Variants in IQSEC1 observed in about 807,000 individuals in gnomAD.
The protein encoded by IQSEC1 is IQ motif and SEC7 domain-containing protein 1.
IQSEC1 carries 31 observed loss-of-function variants against 91.0 expected under a neutral mutation model. That is an observed-to-expected ratio of 0.34 (90% confidence interval 0.26 to 0.46). The LOEUF (loss-of-function observed/expected upper bound fraction) is 0.46. Among genes scored for constraint, IQSEC1 ranks in the 20% least tolerant of loss-of-function variants. The pLI is 1.00. For synonymous variants in IQSEC1, 699 were observed against 662.6 expected (o/e 1.05, Z -0.84); for missense variants, 1,388 against 1,575.6 (o/e 0.88, Z 2.02).
chr3:13,012,539 T>A (rs1358902044), intron 1 of IQSEC1, among the ~76,000 whole-genome samples: 1 of 152,180 alleles, frequency 6.6e-6, no homozygotes, highest in Non-Finnish European at 1.5e-5. Flanking sequence ...GATGTGTTGC[T>A]CACCACAGCC....
intron 1 of IQSEC1, among the ~76,000 whole-genome samples, chr3:13,051,562 C>T (rs902684113): frequency 6.6e-6 from 1 of 152,174 alleles, no homozygotes; most frequent in Non-Finnish European, 1.5e-5. Context: ...TTCTACAAGC[C>T]ATACGCTGAT....
rs1338214563 is a variant in IQSEC1, at chr3:13,211,652, C to T, written c.273-47519G>A. On this transcript the variant is annotated intron_variant, in intron 1 of 15. Transcript: ENST00000648114. The surrounding 1 kb of genome is among the most constrained non-coding windows in gnomAD (Gnocchi z 5.3). ...GATCCCCTCAGCCTATCCCTGAAGGCCAGGCCAGGACCCACGAACTGGCAC... is the reference window on the plus strand; with the variant it reads ...GATCCCCTCAGCCTATCCCTGAAGGTCAGGCCAGGACCCACGAACTGGCAC... 6.6e-6 allele frequency among the ~76,000 whole-genome samples: 1 copy of T among 152,184 alleles called. No homozygotes were observed. Among genetic ancestry groups the T allele is most frequent in the Admixed American group, 6.5e-5 (1 of 15,276 alleles).
intron 2 of IQSEC1, among the ~76,000 whole-genome samples, chr3:13,096,398 C>T (rs1353079084): frequency 2.0e-5 from 3 of 152,224 alleles, no homozygotes; most frequent in African/African-American, 7.2e-5. Flanking sequence ...CTTATTCACT[C>T]AACAAAATTT....
At chr3:13,253,741 C>A (rs1695239354) in intron 1 of IQSEC1, among the ~76,000 whole-genome samples, 1 of 152,154 alleles carries the variant, frequency 6.6e-6, no homozygotes, top group African/African-American at 2.4e-5. Flanking sequence ...GTAGGAGGAG[C>A]TCCGCTGTGC....
At chr3:13,260,704 C>T (rs1208574993) in intron 1 of IQSEC1, among the ~76,000 whole-genome samples, 1 of 152,218 alleles carries the variant, frequency 6.6e-6, no homozygotes, top group Non-Finnish European at 1.5e-5. Flanking sequence ...GACACAGAGA[C>T]CACGATGGCC....
In IQSEC1 at chr3:12,968,614, G is replaced by A. The variant is rs368121579; in HGVS notation, c.24-26749C>T. ...CTACTATGAGCGCTCATGGCTTGCA[G>A]TCCTCCATTTGTATGTTTACTTGTT... is the stretch of plus-strand genomic sequence containing the variant. On this transcript the variant is annotated intron_variant, in intron 1 of 13. Transcript: ENST00000613206. Among the ~76,000 whole-genome samples, 16 of 152,298 alleles carry A rather than the reference G, an allele frequency of 1.1e-4. No homozygotes were observed. The East Asian group carries it at 2.3e-3, about 22-fold the overall frequency.
intron 1 of IQSEC1, among the ~76,000 whole-genome samples, chr3:13,051,422 A>G (rs1182456215): frequency 6.6e-6 from 1 of 152,206 alleles, no homozygotes; most frequent in African/African-American, 2.4e-5. Flanking sequence ...TCTGTGCTGC[A>G]CAAAGTCAGG....
chr3:13,036,221 C>T (rs1478464146), intron 1 of IQSEC1, among the ~76,000 whole-genome samples: 5 of 152,106 alleles, frequency 3.3e-5, no homozygotes, highest in South Asian at 2.1e-4. Context: ...GGAGGAGACA[C>T]GAGATAGTGT....
At chr3:13,245,766 C>CA (rs60741725) in intron 1 of IQSEC1, among the ~76,000 whole-genome samples, 1,260 of 114,082 alleles carry the variant, frequency 0.011, 12 homozygotes, top group Non-Finnish European at 0.013. Flanking sequence ...GACCCTGTTT[C>CA]AAAAAAAAAA....
intron 1 of IQSEC1, among the ~76,000 whole-genome samples, chr3:13,252,684 C>T (rs1294997461): frequency 2.0e-5 from 3 of 152,132 alleles, no homozygotes; most frequent in African/African-American, 7.2e-5. Flanking sequence ...TCCAATTTCT[C>T]CACAACTTCA....
Position 13,282,779 on chromosome 3 carries a change from G to T in IQSEC1, c.204C>A (p.Pro68=), listed in dbSNP as rs1273710487. Among the ~76,000 whole-genome samples, 1 of 148,216 alleles carries T rather than the reference G, an allele frequency of 6.7e-6. No individual in the cohort carries two copies. The highest frequency in any genetic ancestry group is 2.1e-4 in the South Asian group (1 of 4,822). ...GCGGGCCGGGGCCGGGGCCCGGGTC[G>T]GGGCGGCGGGCGCACGCGGCCAGGT... is the stretch of plus-strand genomic sequence containing the variant. The change falls in exon 1 of 16, where the codon CCC becomes CCA. Residue 68 remains proline, a synonymous_variant. Transcript: ENST00000648114. This position sits in a 1 kb window ranked among gnomAD's most constrained non-coding sequence, Gnocchi z 6.4.
upstream of IQSEC1, among the ~76,000 whole-genome samples, chr3:13,074,216 C>T (rs543162697): frequency 6.6e-6 from 1 of 152,202 alleles, no homozygotes; most frequent in Non-Finnish European, 1.5e-5. Context: ...ACGGGGTGGT[C>T]GGGAAGGCCC....
intron 2 of IQSEC1, among the ~76,000 whole-genome samples, chr3:13,093,774 T>C (rs1705907777): frequency 6.6e-6 from 1 of 152,162 alleles, no homozygotes; most frequent in African/African-American, 2.4e-5. Context: ...CTCTTATCCC[T>C]GAACCTCCTC....
At chr3:13,217,493 C>A (rs1257055340) in intron 1 of IQSEC1, among the ~76,000 whole-genome samples, 1 of 152,178 alleles carries the variant, frequency 6.6e-6, no homozygotes, top group African/African-American at 2.4e-5. Flanking sequence ...TCTCCATTCA[C>A]ACCATTTTTT....
Position 13,207,361 on chromosome 3 carries a change from C to A in IQSEC1, c.273-43228G>T, listed in dbSNP as rs529243063. Among the ~76,000 whole-genome samples, 1 of 152,166 alleles carries A rather than the reference C, an allele frequency of 6.6e-6. No individual in the cohort carries two copies. Among genetic ancestry groups the A allele is most frequent in the Non-Finnish European group, 1.5e-5 (1 of 68,032 alleles). On this transcript the variant is annotated intron_variant, in intron 1 of 15. Coordinates refer to the IQSEC1 transcript ENST00000648114. This position sits in a 1 kb window ranked among gnomAD's most constrained non-coding sequence, Gnocchi z 4.8. ...CATCGCCAATCTGCCTACTTCTCCCCCTCCACGGCCACCTCCCTGACCCAA... is the reference window on the plus strand; with the variant it reads ...CATCGCCAATCTGCCTACTTCTCCCACTCCACGGCCACCTCCCTGACCCAA...
At chr3:13,147,837 T>G (rs1706923216) in intron 2 of IQSEC1, among the ~76,000 whole-genome samples, 1 of 152,212 alleles carries the variant, frequency 6.6e-6, no homozygotes, top group Admixed American at 6.5e-5. Flanking sequence ...TTCACCATGT[T>G]GGCCAGGCTG....
rs547673437 is a variant in IQSEC1, at chr3:13,205,764, C to G, written c.273-41631G>C. 2.1e-4 allele frequency among the ~76,000 whole-genome samples: 31 copies of G among 149,914 alleles called. 1 individual carries two copies. The South Asian group carries it at 5.2e-3, about 25-fold the overall frequency. On this transcript the variant is annotated intron_variant, in intron 1 of 15. Transcript: ENST00000648114. ...CACCCATCCATCTCCCCTCCACCTC[C>G]CATCCATCCCTCAATCCACTCATCC...
intron 1 of IQSEC1, among the ~76,000 whole-genome samples, chr3:12,948,722 G>C (rs1409456950): frequency 6.6e-6 from 1 of 152,202 alleles, no homozygotes; most frequent in Non-Finnish European, 1.5e-5. Flanking sequence ...AACGACAATG[G>C]TAGTAACAGC....
chr3:13,005,054 G>A (rs1218794354), intron 1 of IQSEC1, among the ~76,000 whole-genome samples: 3 of 152,182 alleles, frequency 2.0e-5, no homozygotes, highest in Non-Finnish European at 4.4e-5. Context: ...AAGCTGCTTT[G>A]ATAAATAAAA....
Sources: gnomAD v4.1 joint callset for allele counts (sites outside exome capture counted in the v4.1 genomes callset) on GRCh38, gnomAD v4.1.1 for gene constraint, Gnocchi (gnomAD v3.1) non-coding constraint, MANE v1.5 for transcripts, NCBI Gene and HGNC (gene_info 2026-07-23, HGNC 2026-07-21) for gene names.